The following CCDC91 variants were observed in gnomAD, a reference collection of about 807,000 sequenced individuals.
CCDC91 encodes the protein coiled-coil domain containing 91.
A neutral mutation model predicts 63.2 loss-of-function variants in CCDC91; 48 were observed. The observed-to-expected ratio is 0.76, with a 90% CI of 0.60 to 0.97. CCDC91 has a LOEUF of 0.97. Ranked by LOEUF, CCDC91 falls within the 50% of genes least tolerant of loss-of-function variation. The pLI is 0.00. For synonymous variants in CCDC91, 167 were observed against 165.8 expected, an observed-to-expected ratio of 1.01 and a Z score of -0.06; for missense variants, 500 against 494.6, an observed-to-expected ratio of 1.01 and a Z score of -0.10.
At chr12:28,383,834 A>T (rs186824602) in intron 7 of CCDC91, among the ~76,000 whole-genome samples, 1 of 152,126 alleles carries the variant, frequency 6.6e-6, no homozygotes, top group Non-Finnish European at 1.5e-5. Context: ...TTCTCCTCTA[A>T]TACAACCATG....
intron 8 of CCDC91, among the ~76,000 whole-genome samples, chr12:28,407,880 T>C (rs1947050960): frequency 6.6e-6 from 1 of 151,630 alleles, no homozygotes; most frequent in Non-Finnish European, 1.5e-5. Context: ...TAGTTTTCAA[T>C]TTCAATTATC....
chr12:28,475,246 T>C (rs1487057337), intron 11 of CCDC91, among the ~76,000 whole-genome samples: 1 of 152,128 alleles, frequency 6.6e-6, no homozygotes, highest in Non-Finnish European at 1.5e-5. Context: ...TAAGGCTTAT[T>C]ATCACTTTGA....
At chr12:28,278,652 C>T (rs949678879) in intron 3 of CCDC91, among the ~76,000 whole-genome samples, 3 of 152,004 alleles carry the variant, frequency 2.0e-5, no homozygotes, top group African/African-American at 7.2e-5. Flanking sequence ...TCCTTTTGAA[C>T]TCTTTACTTT....
At chr12:28,523,520 C>T (rs1055649070) in intron 12 of CCDC91, among the ~76,000 whole-genome samples, 3 of 152,192 alleles carry the variant, frequency 2.0e-5, no homozygotes, top group Admixed American at 6.5e-5. Flanking sequence ...GGTCTTGACT[C>T]TTTATCCAAT....
intron 12 of CCDC91, among the ~76,000 whole-genome samples, chr12:28,506,427 G>C (rs1938724072): frequency 6.6e-6 from 1 of 151,892 alleles, no homozygotes; most frequent in African/African-American, 2.4e-5. Context: ...AACTAGTTTG[G>C]GTCACATGCT....
At chr12:28,352,442 T>G (rs1943244856) in intron 6 of CCDC91, among the ~76,000 whole-genome samples, 3 of 152,338 alleles carry the variant, frequency 2.0e-5, no homozygotes, top group Admixed American at 6.5e-5. Context: ...GCCACTACTT[T>G]GTTAATTAAG....
intron 1 of CCDC91, among the ~76,000 whole-genome samples, chr12:28,227,088 T>G (rs146159358): frequency 0.017 from 2,540 of 152,276 alleles, 28 homozygotes; most frequent in South Asian, 0.031. Context: ...GGGTACTTAC[T>G]ATCAACTTAT....
intron 12 of CCDC91, among the ~76,000 whole-genome samples, chr12:28,500,407 A>G (rs956503753): frequency 1.3e-5 from 2 of 152,028 alleles, no homozygotes; most frequent in African/African-American, 4.8e-5. Context: ...TTTAGTCATG[A>G]AGTCTTTGTC....
intron 8 of CCDC91, among the ~76,000 whole-genome samples, chr12:28,438,876 T>G (rs935984835): frequency 2.0e-5 from 3 of 152,186 alleles, no homozygotes; most frequent in Non-Finnish European, 2.9e-5. Flanking sequence ...ATAATAGAAT[T>G]GGGATACATT....
chr12:28,380,641 T>C (rs556555160), intron 7 of CCDC91, among the ~76,000 whole-genome samples: 18 of 152,272 alleles, frequency 1.2e-4, no homozygotes, highest in African/African-American at 4.8e-5. Context: ...TCTGATGCAG[T>C]TGAAAGTTTT....
At position 28,238,685 on chromosome 12, in the gene CCDC91, T is replaced by A. The variant is rs1421994539; in HGVS notation, c.-14-18517T>A. Among the ~76,000 whole-genome samples the A allele has an allele frequency of 3.3e-5, 5 of 152,296 alleles. No homozygotes were observed. In the East Asian group the frequency reaches 5.8e-4, roughly 18 times the overall value. ...TGTCTATCAGTAGGGGAATTGTGAATGTATTTATTATGTATCTACATAATA... is the reference window on the plus strand; with the variant it reads ...TGTCTATCAGTAGGGGAATTGTGAAAGTATTTATTATGTATCTACATAATA... On this transcript the variant is annotated intron_variant, in intron 1 of 12. Coordinates refer to ENST00000536442, the MANE Select transcript of CCDC91 (RefSeq NM_018318.5).
chr12:28,402,886 C>T (rs549726353), intron 8 of CCDC91, among the ~76,000 whole-genome samples: 1 of 152,030 alleles, frequency 6.6e-6, no homozygotes, highest in Non-Finnish European at 1.5e-5. Flanking sequence ...AGTGCTTTGA[C>T]CATTTTATTG....
At chr12:28,271,955 G>C (rs1275990836) in intron 3 of CCDC91, among the ~76,000 whole-genome samples, 1 of 149,888 alleles carries the variant, frequency 6.7e-6, no homozygotes, top group Non-Finnish European at 1.5e-5. Flanking sequence ...ATTATTATTA[G>C]CAGTATTATG....
At chr12:28,389,908 T>A (rs1945830194) in intron 7 of CCDC91, among the ~76,000 whole-genome samples, 1 of 152,130 alleles carries the variant, frequency 6.6e-6, no homozygotes. Flanking sequence ...TATCATCTAG[T>A]CACATTTTAA....
intron 12 of CCDC91, among the ~76,000 whole-genome samples, chr12:28,490,843 C>G (rs887400819): frequency 4.6e-5 from 7 of 151,654 alleles, no homozygotes; most frequent in Non-Finnish European, 7.4e-5. Flanking sequence ...GCTCTTTTCA[C>G]TTGCATAAGA....
intron 6 of CCDC91, among the ~76,000 whole-genome samples, chr12:28,360,547 A>T (rs1255314793): frequency 3.3e-5 from 5 of 152,188 alleles, no homozygotes; most frequent in Non-Finnish European, 7.4e-5. Context: ...TAGGAAGTTT[A>T]TGTGGTTCAT....
rs369046168 is a variant in CCDC91 at position 28,413,397 on chromosome 12, T to A, written c.762+21986T>A. 5.9e-5 allele frequency among the ~76,000 whole-genome samples: 9 copies of A among 152,340 alleles called. No individual in the cohort carries two copies. In the East Asian group the frequency reaches 9.6e-4, roughly 16 times the overall value. On this transcript the variant is annotated intron_variant, in intron 8 of 12. Transcript: ENST00000536442. ...TCTTCTCCCTCCTCATGTGTTTAAT[T>A]TCTTTCCTAAATTATAGTCTTTATT...
chr12:28,346,277 A>G (rs1345984206), intron 6 of CCDC91, among the ~76,000 whole-genome samples: 1 of 151,948 alleles, frequency 6.6e-6, no homozygotes, highest in Non-Finnish European at 1.5e-5. Context: ...CCATATAAAA[A>G]CCTTTGTTCT....
chr12:28,236,144 A>G (rs965914195), intron 1 of CCDC91: 2 of 152,068 alleles, frequency 1.3e-5, no homozygotes, highest in African/African-American at 2.4e-5. Flanking sequence ...TTTGATCTCT[A>G]TATTTTATTT....
Sources: allele counts gnomAD v4.1 joint callset (sites outside exome capture counted in the v4.1 genomes callset), GRCh38; gene constraint gnomAD v4.1.1; transcripts MANE v1.5; gene names NCBI Gene and HGNC (gene_info 2026-07-23, HGNC 2026-07-21).